The following NR5A2 variants were observed in gnomAD, a reference collection of about 807,000 sequenced individuals.
NR5A2 encodes the protein nuclear receptor subfamily 5 group A member 2, also known as CYP7A promoter-binding factor.
In NR5A2, 26 loss-of-function variants were observed where a neutral mutation model predicts 62.7. That is an observed-to-expected ratio of 0.41 (90% CI 0.30 to 0.58). The LOEUF (loss-of-function observed/expected upper bound fraction) is 0.58. NR5A2 is among the 20% of genes least tolerant of loss of function. The pLI, the probability that NR5A2 is intolerant of heterozygous loss-of-function variation, is 0.22. For missense variants in NR5A2, 541 were observed against 669.1 expected (o/e 0.81, Z 2.11); for synonymous variants, 246 against 241.7 (o/e 1.02, Z -0.16).
In NR5A2 at chr1:200,033,860, C is replaced by T. The variant is rs536782306; in HGVS notation, c.65-5798C>T. 1.5e-3 allele frequency among the ~76,000 whole-genome samples: 225 copies of T among 152,304 alleles called. 4 individuals are homozygous for T. The highest frequency in any genetic ancestry group is 6.8e-3 in the Middle Eastern group (2 of 294). On this transcript the variant is annotated intron_variant, in intron 1 of 7. Transcript: ENST00000367362. The stretch of plus-strand genomic sequence containing the variant: ...CTGTTAAGTCTTGCCTTTCCAAGCT[C>T]CCACTTTCTTTGCTGACCAAGTGAG...
chr1:200,167,299 C>T (rs1451758010), intron 7 of NR5A2, among the ~76,000 whole-genome samples: 4 of 152,190 alleles, frequency 2.6e-5, no homozygotes, highest in African/African-American at 9.7e-5. Context: ...TGGTGACAGC[C>T]ACCACCTTCT....
chr1:200,164,549 C>CT (rs35458399), intron 7 of NR5A2, among the ~76,000 whole-genome samples: 15,716 of 139,520 alleles, frequency 0.11, 922 homozygotes, highest in African/African-American at 0.13. Context: ...TTTTAATAGA[C>CT]TTTTTTTTTT....
At chr1:200,092,587 T>C (rs993217183) in intron 5 of NR5A2, among the ~76,000 whole-genome samples, 1 of 152,128 alleles carries the variant, frequency 6.6e-6, no homozygotes, top group Admixed American at 6.6e-5. Context: ...TTTCTGGGCC[T>C]GAGAATTCTA....
chr1:200,089,283 C>G (rs1381206043), intron 5 of NR5A2, among the ~76,000 whole-genome samples: 1 of 152,074 alleles, frequency 6.6e-6, no homozygotes, highest in African/African-American at 2.4e-5. Context: ...GGCACCATCT[C>G]GGCTCACTGC....
At chr1:200,166,186 C>T (rs954271563) in intron 7 of NR5A2, among the ~76,000 whole-genome samples, 3 of 152,170 alleles carry the variant, frequency 2.0e-5, no homozygotes, top group Non-Finnish European at 4.4e-5. Context: ...GGTTTTCAAA[C>T]ATTTTTGATC....
intron 2 of NR5A2, among the ~76,000 whole-genome samples, chr1:200,040,071 C>A (rs1661994862): frequency 2.0e-5 from 3 of 152,214 alleles, no homozygotes; most frequent in Admixed American, 1.3e-4. Context: ...AGGGCAGCTT[C>A]AGGCTAAAGG....
intron 2 of NR5A2, among the ~76,000 whole-genome samples, chr1:200,043,269 T>C (rs536415840): frequency 1.2e-4 from 19 of 152,366 alleles, no homozygotes; most frequent in Non-Finnish European, 2.1e-4. Context: ...AGCGGGTTTC[T>C]GGGGCTTCAG....
intron 5 of NR5A2, among the ~76,000 whole-genome samples, chr1:200,099,378 A>G (rs1177496769): frequency 2.0e-5 from 3 of 150,070 alleles, no homozygotes; most frequent in African/African-American, 7.4e-5. Context: ...AAAGCAACCT[A>G]TGAAGGAAGA....
chr1:200,168,904 T>G (rs1456098412), intron 7 of NR5A2, among the ~76,000 whole-genome samples: 1 of 152,196 alleles, frequency 6.6e-6, no homozygotes, highest in African/African-American at 2.4e-5. Context: ...TTTCTCCTTT[T>G]CTAGAGGAAA....
intron 5 of NR5A2, among the ~76,000 whole-genome samples, chr1:200,065,897 T>C (rs1406234052): frequency 6.6e-6 from 1 of 152,098 alleles, no homozygotes; most frequent in Non-Finnish European, 1.5e-5. Flanking sequence ...TAGCTTAATA[T>C]TTTCAAGAAA....
At chr1:200,079,391 C>T (rs1429472603) in intron 5 of NR5A2, among the ~76,000 whole-genome samples, 2 of 152,176 alleles carry the variant, frequency 1.3e-5, no homozygotes, top group African/African-American at 2.4e-5. Flanking sequence ...CGCTGCTTTA[C>T]ATTTACACTC....
chr1:200,127,691 A>T (rs1666768327), intron 7 of NR5A2, among the ~76,000 whole-genome samples: 17 of 68,576 alleles, frequency 2.5e-4, no homozygotes, highest in African/African-American at 4.3e-4. Context: ...AAAAAAAAAA[A>T]AAAAAAAAAA....
At chr1:200,111,700 C>A (rs1357368037) in intron 6 of NR5A2, among the ~76,000 whole-genome samples, 1 of 152,098 alleles carries the variant, frequency 6.6e-6, no homozygotes, top group East Asian at 1.9e-4. Context: ...GGAGTCCTTA[C>A]TATTTTGGAA....
chr1:200,136,338 A>G (rs1361426774), intron 7 of NR5A2, among the ~76,000 whole-genome samples: 1 of 152,102 alleles, frequency 6.6e-6, no homozygotes, highest in Non-Finnish European at 1.5e-5. Flanking sequence ...AACACACACA[A>G]GAAAGAGCAC....
In NR5A2 at chr1:200,118,019, C is replaced by CTTT. The variant is rs397982581; in HGVS notation, c.1231-2774_1231-2772dup. 1.8e-3 allele frequency among the ~76,000 whole-genome samples: 212 copies of CTTT among 117,328 alleles called. 5 individuals carry two copies. Among genetic ancestry groups the CTTT allele is most frequent in the East Asian group, 4.3e-3 (17 of 3,972 alleles). 77.0% of individuals were successfully genotyped at this position (117,328 alleles called of 152,430 possible). On this transcript the variant is annotated intron_variant, in intron 6 of 7. Transcript: ENST00000367362. ...ATGAGCCGCCGCACCTCGCCTTTTT[C>CTTT]TTTTTTTTTTTTTTTTTGAGACAGT...
chr1:200,163,743 G>C (rs113391053), intron 7 of NR5A2, among the ~76,000 whole-genome samples: 10 of 152,160 alleles, frequency 6.6e-5, no homozygotes, highest in African/African-American at 1.9e-4. Flanking sequence ...GCCTGCCAAA[G>C]TGCTGGGATT....
At chr1:200,090,899 G>T (rs1010712493) in intron 5 of NR5A2, among the ~76,000 whole-genome samples, 5 of 152,314 alleles carry the variant, frequency 3.3e-5, no homozygotes, top group Admixed American at 2.6e-4. Flanking sequence ...TCACCCTGGA[G>T]TGCGATGGAA....
At chr1:200,041,976 C>T (rs1396460719) in intron 2 of NR5A2, among the ~76,000 whole-genome samples, 3 of 152,108 alleles carry the variant, frequency 2.0e-5, no homozygotes, top group African/African-American at 7.2e-5. Flanking sequence ...TCGCCTTGTT[C>T]CTAAAACATG....
chr1:200,087,578 G>A (rs1664613833), intron 5 of NR5A2, among the ~76,000 whole-genome samples: 1 of 151,180 alleles, frequency 6.6e-6, no homozygotes, highest in Admixed American at 6.6e-5. Context: ...TGTATTTTCA[G>A]TAGAGACAGA....
Sources: allele counts gnomAD v4.1 joint callset (sites outside exome capture counted in the v4.1 genomes callset), GRCh38; gene constraint gnomAD v4.1.1; transcripts MANE v1.5; gene names NCBI Gene and HGNC (gene_info 2026-07-23, HGNC 2026-07-21).